The following TEPSIN variants were observed in gnomAD, a reference collection of about 807,000 sequenced individuals.
TEPSIN encodes the protein AP-4 complex accessory subunit tepsin.
A neutral mutation model predicts 48.5 loss-of-function variants in TEPSIN; 50 were observed. The ratio of observed to expected loss-of-function variants is 1.03; its 90% CI spans 0.82 to 1.31. The LOEUF (loss-of-function observed/expected upper bound fraction) is 1.31. Ranked by LOEUF, TEPSIN falls within the 50% of genes most tolerant of loss-of-function variation. The probability of loss-of-function intolerance (pLI) is 0.00; values close to 1 mark genes in which losing one functional copy is unlikely to be tolerated. For missense variants in TEPSIN, 838 were observed against 815.9 expected (o/e 1.03, Z -0.33); for synonymous variants, 392 against 358.8 (o/e 1.09, Z -1.05).
Position 81,232,525 on chromosome 17 carries a change from C to G in TEPSIN, c.527-7G>C. 1 of 1,528,126 alleles carries G rather than the reference C, an allele frequency of 6.5e-7. No individual in the cohort carries two copies. The highest frequency in any genetic ancestry group is 8.8e-7 in the Non-Finnish European group (1 of 1,142,022). The allele number at this position is 1,528,126 out of a possible 1,614,324, so 94.7% of individuals were successfully genotyped here. A position where few individuals can be genotyped will look rare whatever the true frequency, so the allele number is the denominator to read the frequency against. The stretch of plus-strand genomic sequence containing the variant: ...AAGGCTTCGCCTGCCGAGCCTGTAC[C>G]CGAGGAGAGGGAGATGGGACGGCCG... On this transcript the variant is annotated splice_region_variant and splice_polypyrimidine_tract_variant and intron_variant, in intron 7 of 12. Transcript: ENST00000637944.
In TEPSIN at chr17:81,233,906, T is replaced by G; in HGVS notation, c.375+75A>C. 6.7e-7 allele frequency: 1 copy of G among 1,495,044 alleles called. No individual in the cohort carries two copies. Among genetic ancestry groups the G allele is most frequent in the South Asian group, 1.3e-5 (1 of 79,598 alleles). The allele number at this position is 1,495,044 out of a possible 1,614,324, so 92.6% of individuals were successfully genotyped here. ...ATGGGAGAACTGCAAACCCCCCAGC[T>G]GACATCCTGGCCCCAATCCCACCCC... is the stretch of plus-strand genomic sequence containing the variant. On this transcript the variant is annotated intron_variant, in intron 5 of 12. Coordinates refer to ENST00000637944, the MANE Select transcript of TEPSIN (RefSeq NM_001363764.2). This position sits in a 1 kb window ranked among gnomAD's most constrained non-coding sequence, Gnocchi z 5.8.
Position 81,230,293 on chromosome 17 carries a change from G to A in TEPSIN, c.1233+251C>T. On this transcript the variant is annotated intron_variant, in intron 12 of 12. Transcript: ENST00000637944. The surrounding 1 kb of genome is among the most constrained non-coding windows in gnomAD (Gnocchi z 4.2). ...AGGAACATTAAGGCAGCGGAGTCTG[G>A]GGGCTTCCAGGAATAGGTAGAGGCC... The A allele has an allele frequency of 2.0e-6, 1 of 511,410 alleles. No homozygotes were observed. The allele number at this position is 511,410 out of a possible 1,614,324, so 31.7% of individuals were successfully genotyped here. A position where few individuals can be genotyped will look rare whatever the true frequency, so the allele number is the denominator to read the frequency against.
chr17:81,238,568 G>A (rs2062767992), intron 1 of TEPSIN: 13 of 1,028,892 alleles, frequency 1.3e-5, no homozygotes, highest in Non-Finnish European at 1.5e-5. Flanking sequence ...GCAACCCAGG[G>A]GTGCCTCTCC....
intron 8 of TEPSIN, 86 bp downstream of exon 8, chr17:81,232,228 TG>T: frequency 7.2e-7 from 1 of 1,397,632 alleles, no homozygotes; most frequent in East Asian, 2.5e-5. Flanking sequence ...TGGGAGGCCC[TG>T]GGATTTGCCT....
At chr17:81,237,993 C>A in intron 1 of TEPSIN, 3 of 997,390 alleles carry the variant, frequency 3.0e-6, no homozygotes, top group Non-Finnish European at 3.6e-6. Flanking sequence ...TTGTTTCATG[C>A]TTACTTACTG....
rs112560231 is a variant in TEPSIN at position 81,231,383 on chromosome 17, G to A, written c.1098+15C>T. 1.7e-5 allele frequency: 26 copies of A among 1,535,254 alleles called. No homozygotes were observed. Among genetic ancestry groups the A allele is most frequent in the Middle Eastern group, 2.1e-4 (1 of 4,766 alleles). ...TGCACACAGTCACGCCCTCCCGCCC[G>A]CGTGTGCAGCTCACCAGCTGCGTGC... On this transcript the variant is annotated intron_variant, in intron 11 of 12. Coordinates refer to ENST00000637944, the MANE Select transcript of TEPSIN (RefSeq NM_001363764.2).
intron 4 of TEPSIN, among the ~76,000 whole-genome samples, chr17:81,236,506 C>T (rs1486587584): frequency 2.0e-5 from 3 of 152,058 alleles, no homozygotes; most frequent in Non-Finnish European, 2.9e-5. Flanking sequence ...CAGGGGAGGC[C>T]GAGCCGGCCA....
intron 2 of TEPSIN, 37 bp downstream of exon 2, chr17:81,237,350 G>C: frequency 1.3e-6 from 2 of 1,598,722 alleles, no homozygotes; most frequent in Non-Finnish European, 8.5e-7. Context: ...CCTGCCATCC[G>C]CTCTTTCCAC....
intron 7 of TEPSIN, 81 bp from the exon 8 acceptor site, chr17:81,232,599 G>A (rs1042413400): frequency 3.3e-5 from 43 of 1,312,414 alleles, no homozygotes; most frequent in East Asian, 5.1e-5. Flanking sequence ...TGCCCGCATC[G>A]GCTCCCTGCT....
rs775312888 is a variant in TEPSIN, at chr17:81,233,756, G to C, written c.376-40C>G. On this transcript the variant is annotated intron_variant, in intron 5 of 12. Coordinates refer to ENST00000637944, the MANE Select transcript of TEPSIN (RefSeq NM_001363764.2). The surrounding 1 kb of genome is among the most constrained non-coding windows in gnomAD (Gnocchi z 5.8). ...GAAGGCCCTCAGTGTCCTCACACCA[G>C]GGCCTGCTGTACTCACCCTGCCACC... 2 of 1,549,270 alleles carry C rather than the reference G, an allele frequency of 1.3e-6. No individual in the cohort carries two copies. Among genetic ancestry groups the C allele is most frequent in the South Asian group, 1.2e-5 (1 of 83,164 alleles).
rs2062630844 is a variant in TEPSIN at position 81,232,296 on chromosome 17, G to A, written c.730+19C>T. Reference sequence around the variant, plus strand: ...AGGAGTGACCCAGACCCCAAGGGGAGGAGCCCTCGCCTCGATACCTCGGGG... The same window carrying A: ...AGGAGTGACCCAGACCCCAAGGGGAAGAGCCCTCGCCTCGATACCTCGGGG... On this transcript the variant is annotated intron_variant, in intron 8 of 12. Transcript: ENST00000637944. 1.3e-6 allele frequency: 2 copies of A among 1,506,970 alleles called. No homozygotes were observed. Among genetic ancestry groups the A allele is most frequent in the Non-Finnish European group, 1.8e-6 (2 of 1,128,722 alleles). 93.3% of individuals were successfully genotyped at this position (1,506,970 alleles called of 1,614,324 possible).
rs868013272 is a variant in TEPSIN, at chr17:81,232,838, G to A, written c.527-320C>T. On this transcript the variant is annotated intron_variant, in intron 7 of 12. Coordinates refer to ENST00000637944, the MANE Select transcript of TEPSIN (RefSeq NM_001363764.2). ...CTCAGGGAGGGTGTGTCCAGGGCTC[G>A]GGGAGGGGCCGGCCTTTCCTGTGTG... The A allele has an allele frequency of 4.1e-5, 14 of 337,378 alleles. No individual in the cohort carries two copies. The Middle Eastern group carries it at 3.9e-3, about 95-fold the overall frequency. The allele number at this position is 337,378 out of a possible 1,614,324, so 20.9% of individuals were successfully genotyped here.
Position 81,233,843 on chromosome 17 carries a change from C to T in TEPSIN, c.376-127G>A, listed in dbSNP as rs996723332. ...TGAGCCACTCAGCTGGACACAGGCT[C>T]TGTGTCCACCAGCAAGGAGCAGAGG... On this transcript the variant is annotated intron_variant, in intron 5 of 12. Transcript: ENST00000637944. This position sits in a 1 kb window ranked among gnomAD's most constrained non-coding sequence, Gnocchi z 5.8. 1 of 1,363,682 alleles carries T rather than the reference C, an allele frequency of 7.3e-7. No homozygotes were observed. Among genetic ancestry groups the T allele is most frequent in the African/African-American group, 1.5e-5 (1 of 68,260 alleles). The allele number at this position is 1,363,682 out of a possible 1,614,324, so 84.5% of individuals were successfully genotyped here.
Position 81,229,073 on chromosome 17 carries a change from G to C in TEPSIN, c.1637C>G (p.Ala546Gly), listed in dbSNP as rs138356179. The change falls in exon 13 of 13, where the codon GCC becomes GGC. Residue 546 changes from alanine (A) to glycine (G), a missense_variant. Ala to Gly is a moderately conservative substitution (Grantham distance 60, BLOSUM62 0). Coordinates refer to ENST00000637944, the MANE Select transcript of TEPSIN (RefSeq NM_001363764.2). ...CCCAGCCCCCACCAGGCGGGGACAG[G>C]CCACCAGCTCCATGCCAGCAAACAA... ...DSLFAGMELVACPRLVGAGAA... is the reference protein window; with the variant it reads ...DSLFAGMELVGCPRLVGAGAA... 1.9e-6 allele frequency: 3 copies of C among 1,613,572 alleles called. No individual in the cohort carries two copies. Among genetic ancestry groups the C allele is most frequent in the Non-Finnish European group, 2.5e-6 (3 of 1,179,984 alleles).
chr17:81,237,830 A>T (rs2062752259), intron 1 of TEPSIN: 1 of 411,070 alleles, frequency 2.4e-6, no homozygotes, highest in Admixed American at 5.0e-5. Flanking sequence ...GGCCCAGGCA[A>T]GCCCCTTTTC....
Position 81,228,806 on chromosome 17 carries a change from A to AG in TEPSIN, c.*121dup. The AG allele has an allele frequency of 2.5e-6, 3 of 1,203,106 alleles. No homozygotes were observed. The highest frequency in any genetic ancestry group is 3.5e-6 in the Non-Finnish European group (3 of 851,146). 74.5% of individuals were successfully genotyped at this position (1,203,106 alleles called of 1,614,324 possible). A position where few individuals can be genotyped will look rare whatever the true frequency, so the allele number is the denominator to read the frequency against. ...AGATGGGGGAAACTGAGGTAGCCCT[A>AG]GGGTCGTCCTCTCAAGTCAAGCTGC... On this transcript the variant is annotated 3_prime_UTR_variant, in exon 13 of 13. Coordinates refer to ENST00000637944, the MANE Select transcript of TEPSIN (RefSeq NM_001363764.2).
Position 81,230,426 on chromosome 17 carries a change from A to G in TEPSIN, c.1233+118T>C, listed in dbSNP as rs529384231. The G allele has an allele frequency of 1.8e-5, 26 of 1,412,148 alleles. No homozygotes were observed. In the South Asian group the frequency reaches 2.4e-4, roughly 13 times the overall value. The allele number at this position is 1,412,148 out of a possible 1,614,324, so 87.5% of individuals were successfully genotyped here. A position where few individuals can be genotyped will look rare whatever the true frequency, so the allele number is the denominator to read the frequency against. ...TCTGCCAGCGGGACAGGGACTTGAG[A>G]GGGGGTCCGGGAAGGGCTGACCAGG... On this transcript the variant is annotated intron_variant, in intron 12 of 12. Transcript: ENST00000637944. This position sits in a 1 kb window ranked among gnomAD's most constrained non-coding sequence, Gnocchi z 4.2.
chr17:81,228,919 G>A lies in TEPSIN; in HGVS notation c.*9C>T, dbSNP rs765301710. 8.1e-6 allele frequency: 13 copies of A among 1,612,354 alleles called. No homozygotes were observed. Among genetic ancestry groups the A allele is most frequent in the South Asian group, 2.2e-5 (2 of 91,020 alleles). ...CTGAAGCTGAAGACTCCAGGGCCAG[G>A]CCATCGGGTCAGGCGTTCAGGAACG... On this transcript the variant is annotated 3_prime_UTR_variant, in exon 13 of 13. Coordinates refer to ENST00000637944, the MANE Select transcript of TEPSIN (RefSeq NM_001363764.2).
At chr17:81,238,412 A>C (rs556711388) in intron 1 of TEPSIN, 1 of 274,134 alleles carries the variant, frequency 3.6e-6, no homozygotes, top group Non-Finnish European at 5.6e-6. Flanking sequence ...GGTCCAGCCC[A>C]GGAAAGCTCA....
Sources: allele counts gnomAD v4.1 joint callset (sites outside exome capture counted in the v4.1 genomes callset), GRCh38; gene constraint gnomAD v4.1.1; non-coding constraint Gnocchi (gnomAD v3.1); transcripts MANE v1.5; gene names NCBI Gene and HGNC (gene_info 2026-07-23, HGNC 2026-07-21).